ZBTB45: variants seen among roughly 807,000 people sequenced by gnomAD.
ZBTB45 encodes zinc finger and BTB domain containing 45, also known as zinc finger and BTB domain-containing protein 45.
Under a neutral mutation model 28.4 loss-of-function variants are expected in ZBTB45, and 22 were observed. The ratio of observed to expected loss-of-function variants is 0.77; its 90% CI spans 0.55 to 1.10. The LOEUF (loss-of-function observed/expected upper bound fraction) is 1.10, where lower values mean the gene tolerates loss of function less well. Ranked by LOEUF, ZBTB45 falls within the 50% of genes least tolerant of loss-of-function variation. The pLI is 0.00. For missense variants in ZBTB45, 656 were observed against 750.2 expected (o/e 0.87, Z 1.47); for synonymous variants, 361 against 332.3 (o/e 1.09, Z -0.94).
At chr19:58,521,139 C>T (rs2053574751), upstream of ZBTB45, among the ~76,000 whole-genome samples, 1 of 134,616 alleles carries the variant, frequency 7.4e-6, no homozygotes, top group South Asian at 2.4e-4. Flanking sequence ...CCGAGGCGGG[C>T]GGATCATGAG....
At chr19:58,525,349 C>G (rs191046591) in intron 1 of ZBTB45, among the ~76,000 whole-genome samples, 1 of 152,308 alleles carries the variant, frequency 6.6e-6, no homozygotes, top group East Asian at 1.9e-4. Context: ...CACACAGGAG[C>G]AGGCACTAAG....
chr19:58,518,262 G>A (rs1327895589), intron 1 of ZBTB45, among the ~76,000 whole-genome samples: 1 of 152,196 alleles, frequency 6.6e-6, no homozygotes, highest in Admixed American at 6.5e-5. Flanking sequence ...TCAGAACCAG[G>A]TCACCTTAAC....
chr19:58,527,103 A>G (rs2053612171), intron 1 of ZBTB45, among the ~76,000 whole-genome samples: 1 of 152,234 alleles, frequency 6.6e-6, no homozygotes, highest in African/African-American at 2.4e-5. Flanking sequence ...CTCTAGCTGC[A>G]TCCCAGAAGA....
chr19:58,531,685 T>C (rs2053636409), intron 1 of ZBTB45, among the ~76,000 whole-genome samples: 1 of 152,152 alleles, frequency 6.6e-6, no homozygotes, highest in African/African-American at 2.4e-5. Context: ...CAGCATCATA[T>C]GGTGACAGAT....
intron 1 of ZBTB45, among the ~76,000 whole-genome samples, chr19:58,533,958 C>G (rs1600071456): frequency 1.3e-5 from 2 of 152,150 alleles, no homozygotes. Flanking sequence ...TATGGCCATA[C>G]AAATGTGCAC....
At position 58,537,847 on chromosome 19, in the gene ZBTB45, T is replaced by C. The variant is rs530933416; in HGVS notation, c.-1+854A>G. Among the ~76,000 whole-genome samples the C allele has an allele frequency of 1.1e-4, 14 of 128,586 alleles. 1 individual carries two copies. The South Asian group carries it at 3.4e-3, about 31-fold the overall frequency. The allele number at this position is 128,586 out of a possible 152,430, so 84.4% of individuals were successfully genotyped here. ...AGTGCTCATCAAATATTCCTTTTTT[T>C]TTTTTTTGAGACAGAGTTTCACTCT... is the stretch of plus-strand genomic sequence containing the variant. On this transcript the variant is annotated intron_variant, in intron 1 of 1. Coordinates refer to the ZBTB45 transcript ENST00000600130.
rs569043920 is a variant in ZBTB45, at chr19:58,516,624, C to T, written c.1050G>A (p.Ser350=). 2.4e-5 allele frequency: 38 copies of T among 1,560,196 alleles called. No individual in the cohort carries two copies. Among genetic ancestry groups the T allele is most frequent in the South Asian group, 6.1e-5 (5 of 82,252 alleles). The part of the protein sequence containing the change: ...GPPAPPPSAP[S]GPAPAPPPAF... ...CGGGTGGGGGCGCAGGGGCTGGCCC[C>T]GATGGTGCTGAAGGGGGTGGTGCGG... The change falls in exon 2 of 3, where the codon TCG becomes TCA. Residue 350 remains serine (S), a synonymous_variant. Transcript: ENST00000594051. The surrounding 1 kb of genome is among the most constrained non-coding windows in gnomAD (Gnocchi z 6.2).
At chr19:58,521,484 C>G (rs576337856), upstream of ZBTB45, among the ~76,000 whole-genome samples, 2 of 152,236 alleles carry the variant, frequency 1.3e-5, no homozygotes, top group South Asian at 4.1e-4. Flanking sequence ...TCCCCAGAGC[C>G]TCCAGATAGC....
chr19:58,531,434 A>T (rs139723343), intron 1 of ZBTB45, among the ~76,000 whole-genome samples: 2 of 152,210 alleles, frequency 1.3e-5, no homozygotes, highest in Non-Finnish European at 2.9e-5. Context: ...TTCCCCCTAC[A>T]CAGCCATGTT....
intron 1 of ZBTB45, among the ~76,000 whole-genome samples, chr19:58,518,126 C>G (rs1226128808): frequency 6.6e-6 from 1 of 152,142 alleles, no homozygotes. Context: ...TGCCTCACCC[C>G]GAGTAGACCT....
At chr19:58,537,235 G>C (rs933463197) in intron 1 of ZBTB45, among the ~76,000 whole-genome samples, 1 of 152,114 alleles carries the variant, frequency 6.6e-6, no homozygotes, top group African/African-American at 2.4e-5. Context: ...TTCTCCATGT[G>C]GACAATGGGG....
chr19:58,520,611 G>A (rs960011218), upstream of ZBTB45, among the ~76,000 whole-genome samples: 2 of 152,296 alleles, frequency 1.3e-5, no homozygotes, highest in Non-Finnish European at 2.9e-5. Context: ...TATCATAAGG[G>A]TCCTTAAAGG....
chr19:58,514,443 C>T, intron 2 of ZBTB45, 133 bp from the exon 3 acceptor site: 1 of 1,198,588 alleles, frequency 8.3e-7, no homozygotes, highest in Non-Finnish European at 1.1e-6. Flanking sequence ...ACCCCGGGAT[C>T]CCTTGCCTAT....
chr19:58,521,381 A>AG (rs1018809809), upstream of ZBTB45, among the ~76,000 whole-genome samples: 10 of 131,092 alleles, frequency 7.6e-5, no homozygotes, highest in Admixed American at 2.3e-4. Flanking sequence ...AAAAAAAAAA[A>AG]AAAGAAAGAA....
chr19:58,525,112 C>G (rs144073332), intron 1 of ZBTB45, among the ~76,000 whole-genome samples: 1 of 152,128 alleles, frequency 6.6e-6, no homozygotes, highest in Admixed American at 6.6e-5. Flanking sequence ...CAGAACCTCT[C>G]GGCTGTGCCT....
At chr19:58,536,097 G>C (rs2122600342) in intron 1 of ZBTB45, among the ~76,000 whole-genome samples, 1 of 151,736 alleles carries the variant, frequency 6.6e-6, no homozygotes, top group African/African-American at 2.4e-5. Context: ...TTTTTTTTGA[G>C]ATGGAGTTTT....
rs139432337 is a variant in ZBTB45, at chr19:58,538,298, C to T, written c.-1+403G>A. Among the ~76,000 whole-genome samples, 29 of 152,170 alleles carry T rather than the reference C, an allele frequency of 1.9e-4. No individual in the cohort carries two copies. In the East Asian group the frequency reaches 4.8e-3, roughly 25 times the overall value. ...GGGAGCGATCATAGCTCACTGCAGC[C>T]AACTCCTGGGCTCAAGCGATCTCAA... On this transcript the variant is annotated intron_variant, in intron 1 of 1. Transcript: ENST00000600130.
chr19:58,514,846 C>T (rs961584301), intron 2 of ZBTB45, among the ~76,000 whole-genome samples: 6 of 152,142 alleles, frequency 3.9e-5, no homozygotes, highest in Non-Finnish European at 7.3e-5. Flanking sequence ...CTGACAAGGC[C>T]AGTGCCCTTT....
upstream of ZBTB45, among the ~76,000 whole-genome samples, chr19:58,521,382 AAAGAAAG>A (rs1157951729): frequency 8.6e-5 from 11 of 128,358 alleles, no homozygotes; most frequent in Non-Finnish European, 1.5e-4. Context: ...AAAAAAAAAA[AAAGAAAG>A]AAAGAAAAGA....
Sources: gnomAD v4.1 joint callset for allele counts (sites outside exome capture counted in the v4.1 genomes callset) on GRCh38, gnomAD v4.1.1 for gene constraint, Gnocchi (gnomAD v3.1) non-coding constraint, MANE v1.5 for transcripts, NCBI Gene and HGNC (gene_info 2026-07-23, HGNC 2026-07-21) for gene names.